IGSF5: variants seen among roughly 807,000 people sequenced by gnomAD.
The protein encoded by IGSF5 is immunoglobulin superfamily 5 like.
IGSF5 carries 41 observed loss-of-function variants against 39.4 expected under a neutral mutation model. The observed-to-expected ratio is 1.04, with a 90% CI of 0.81 to 1.35. IGSF5 has a LOEUF of 1.35. IGSF5 is among the 40% of genes most tolerant of loss of function. The probability of loss-of-function intolerance (pLI) is 0.00; values close to 1 mark genes in which losing one functional copy is unlikely to be tolerated. For missense variants in IGSF5, 487 were observed against 494.6 expected (o/e 0.98, Z 0.15); for synonymous variants, 183 against 175.3 (o/e 1.04, Z -0.34).
chr21:39,750,076 C>G (rs2079997532), intron 2 of IGSF5, among the ~76,000 whole-genome samples: 1 of 152,188 alleles, frequency 6.6e-6, no homozygotes, highest in Admixed American at 6.5e-5. Context: ...ATCTTTATAG[C>G]TATCTTATTT....
At chr21:39,741,081 C>T (rs2079946708), upstream of IGSF5, among the ~76,000 whole-genome samples, 1 of 152,010 alleles carries the variant, frequency 6.6e-6, no homozygotes, top group Admixed American at 6.6e-5. Flanking sequence ...ACTCTTAGAG[C>T]TATTCATGTT....
At position 39,765,819 on chromosome 21, in the gene IGSF5, C is replaced by T. The variant is rs371092341; in HGVS notation, c.385C>T (p.Arg129Cys). 212 of 1,613,734 alleles carry T rather than the reference C, an allele frequency of 1.3e-4. 1 individual carries two copies. In the South Asian group the frequency reaches 2.2e-3, roughly 16 times the overall value. Residue 129 changes from arginine (R) to cysteine (C), a missense_variant, in exon 3 of 9, where the codon CGC (arginine) becomes TGC (cysteine). By Grantham distance (180) the Arg-to-Cys change is radical. Coordinates refer to ENST00000380588, the MANE Select transcript of IGSF5 (RefSeq NM_001080444.2). The stretch of plus-strand genomic sequence containing the variant: ...CATCAGATGCAGCCTCCAGAACAGT[C>T]GCCTGCATGGATCTGCTTACCTTAC... Reference protein sequence around the residue: ...GNIRCSLQNSRLHGSAYLTVQ... With the variant: ...GNIRCSLQNSCLHGSAYLTVQ...
chr21:39,746,590 C>G (rs1735143), intron 2 of IGSF5, among the ~76,000 whole-genome samples: 1 of 152,020 alleles, frequency 6.6e-6, no homozygotes, highest in Non-Finnish European at 1.5e-5. Flanking sequence ...TTACTAAAAC[C>G]CAATAATTCA....
chr21:39,737,320 C>T, the IGSF5 span, among the ~76,000 whole-genome samples: 227 of 152,238 alleles, frequency 1.5e-3, 1 homozygote, highest in East Asian at 5.8e-3. Context: ...TCCCCACCAC[C>T]GAGCAAGCAC....
intron 6 of IGSF5, among the ~76,000 whole-genome samples, chr21:39,790,761 A>G (rs2086959392): frequency 6.6e-6 from 1 of 152,192 alleles, no homozygotes; most frequent in Non-Finnish European, 1.5e-5. Context: ...CTGTGGGGAA[A>G]TACAGCTGAT....
At chr21:39,762,058 G>T (rs754032569) in intron 2 of IGSF5, among the ~76,000 whole-genome samples, 1 of 152,162 alleles carries the variant, frequency 6.6e-6, no homozygotes, top group East Asian at 1.9e-4. Context: ...GGCAGGGCTC[G>T]AGATGTGGAT....
At chr21:39,738,488 G>C in the IGSF5 span, among the ~76,000 whole-genome samples, 94 of 152,180 alleles carry the variant, frequency 6.2e-4, no homozygotes, top group African/African-American at 2.1e-3. The surrounding 1 kb of genome is among the most constrained non-coding windows in gnomAD (Gnocchi z 6.4). Flanking sequence ...GTGAATTAAA[G>C]TGACAAAACA....
rs766195194 is a variant in IGSF5 at position 39,771,117 on chromosome 21, C to A, written c.620C>A (p.Pro207Gln). 1.9e-6 allele frequency: 3 copies of A among 1,612,800 alleles called. No individual in the cohort carries two copies. In the Admixed American group the frequency reaches 5.0e-5, roughly 27 times the overall value. ...QSAVSILALTPQSNGTLTCVA... is the reference protein window; with the variant it reads ...QSAVSILALTQQSNGTLTCVA... ...GCAGTGAGCATCCTGGCTCTGACCC[C>A]ACAGAGCAATGGGACTTTGACTTGC... Residue 207 changes from proline (P) to glutamine (Q), a missense_variant, in exon 4 of 9, where the codon CCA becomes CAA. Physicochemically the swap from Pro to Gln is moderately conservative, Grantham distance 76. Transcript: ENST00000380588.
the IGSF5 span, among the ~76,000 whole-genome samples, chr21:39,712,884 C>A: frequency 0.12 from 17,629 of 152,150 alleles, 1,439 homozygotes; most frequent in East Asian, 0.23. Flanking sequence ...GTAAGTCACT[C>A]AACAACCAGC....
At chr21:39,730,459 A>G in the IGSF5 span, 3 of 152,102 alleles carry the variant, frequency 2.0e-5, no homozygotes, top group Non-Finnish European at 2.9e-5. Flanking sequence ...GGGGGCCACA[A>G]CTCAACCCAT....
upstream of IGSF5, among the ~76,000 whole-genome samples, chr21:39,742,725 C>G (rs1035434416): frequency 1.3e-5 from 2 of 152,186 alleles, no homozygotes; most frequent in Non-Finnish European, 2.9e-5. Context: ...CCAGCTTTTC[C>G]CTTTTACAGA....
rs917382055 is a variant in IGSF5, at chr21:39,769,618, A to T, written c.419-1298A>T. 1.2e-4 allele frequency among the ~76,000 whole-genome samples: 18 copies of T among 152,286 alleles called. 1 individual carries two copies. The highest frequency in any genetic ancestry group is 4.3e-4 in the African/African-American group (18 of 41,562). On this transcript the variant is annotated intron_variant, in intron 3 of 8. Transcript: ENST00000380588. ...AGGTTTTCTTTACATCCTTCAAACA[A>T]AGCAGTATATTGCAACAGACTGAAT...
intron 6 of IGSF5, among the ~76,000 whole-genome samples, chr21:39,789,978 A>T (rs919509297): frequency 6.6e-6 from 1 of 152,178 alleles, no homozygotes; most frequent in Non-Finnish European, 1.5e-5. Context: ...CACACGTTAC[A>T]GGTGTGTAGC....
In IGSF5 at chr21:39,788,258, C is replaced by A; in HGVS notation, c.956+70C>A. 3 of 1,092,782 alleles carry A rather than the reference C, an allele frequency of 2.7e-6. No homozygotes were observed. In the South Asian group the frequency reaches 4.0e-5, roughly 15 times the overall value. The allele number at this position is 1,092,782 out of a possible 1,614,324, so 67.7% of individuals were successfully genotyped here. A position where few individuals can be genotyped will look rare whatever the true frequency, so the allele number is the denominator to read the frequency against. ...AATTGAACAACAACAATAATAACAA[C>A]AATACGTACACACAACTGCGGGATT... On this transcript the variant is annotated intron_variant, in intron 6 of 8. Coordinates refer to ENST00000380588, the MANE Select transcript of IGSF5 (RefSeq NM_001080444.2).
At chr21:39,722,601 T>C in the IGSF5 span, 1 of 152,178 alleles carries the variant, frequency 6.6e-6, no homozygotes, top group Non-Finnish European at 1.5e-5. Flanking sequence ...TATTTTGGGA[T>C]TGTTACCAAA....
chr21:39,778,813 T>G (rs1293317301), intron 4 of IGSF5, among the ~76,000 whole-genome samples: 1 of 152,204 alleles, frequency 6.6e-6, no homozygotes, highest in Non-Finnish European at 1.5e-5. Context: ...CAGCCCTGCC[T>G]TATCTACTTC....
At chr21:39,791,427 A>G (rs2086964500) in intron 6 of IGSF5, among the ~76,000 whole-genome samples, 1 of 152,192 alleles carries the variant, frequency 6.6e-6, no homozygotes, top group South Asian at 2.1e-4. Flanking sequence ...TTGGCGTTCC[A>G]TTGCCAGACT....
At chr21:39,786,766 T>C (rs1444411630) in intron 5 of IGSF5, among the ~76,000 whole-genome samples, 1 of 152,220 alleles carries the variant, frequency 6.6e-6, no homozygotes, top group Non-Finnish European at 1.5e-5. Context: ...CACCATGGAA[T>C]ACTATGCAGC....
chr21:39,753,019 TTTAG>T (rs1300590434), intron 2 of IGSF5, among the ~76,000 whole-genome samples: 3 of 152,204 alleles, frequency 2.0e-5, no homozygotes, highest in Non-Finnish European at 4.4e-5. Context: ...GTCCTATTTA[TTTAG>T]TTTTTGCATT....
Sources: allele counts gnomAD v4.1 joint callset (sites outside exome capture counted in the v4.1 genomes callset), GRCh38; gene constraint gnomAD v4.1.1; non-coding constraint Gnocchi (gnomAD v3.1); transcripts MANE v1.5; gene names NCBI Gene and HGNC (gene_info 2026-07-23, HGNC 2026-07-21).